Variants in MAF observed in about 807,000 individuals in gnomAD.
MAF encodes MAF bZIP transcription factor.
MAF carries 10 observed loss-of-function variants against 22.0 expected under a neutral mutation model. The ratio of observed to expected loss-of-function variants is 0.45; its 90% CI spans 0.28 to 0.77. The LOEUF is 0.77. MAF is among the 30% of genes least tolerant of loss of function. The probability of loss-of-function intolerance (pLI) is 0.12; values close to 1 mark genes in which losing one functional copy is unlikely to be tolerated. For missense variants in MAF, 544 were observed against 548.4 expected, an observed-to-expected ratio of 0.99 and a Z score of 0.08; for synonymous variants, 337 against 255.8, an observed-to-expected ratio of 1.32 and a Z score of -3.03.
At chr16:79,560,859 G>T in the MAF span, among the ~76,000 whole-genome samples, 2 of 152,152 alleles carry the variant, frequency 1.3e-5, no homozygotes, top group Admixed American at 6.5e-5. Context: ...GAGGTGTGGC[G>T]GGAAATAGGG....
At chr16:79,485,718 A>G in the MAF span, among the ~76,000 whole-genome samples, 14 of 152,218 alleles carry the variant, frequency 9.2e-5, no homozygotes, top group African/African-American at 3.4e-4. Context: ...CTGAGCAGGA[A>G]GATCTGTCGG....
chr16:79,475,695 A>C, the MAF span, among the ~76,000 whole-genome samples: 2 of 152,102 alleles, frequency 1.3e-5, no homozygotes, highest in Non-Finnish European at 2.9e-5. Flanking sequence ...GTGCATTTCA[A>C]TGTATATAAA....
chr16:79,219,477 G>T, the MAF span, among the ~76,000 whole-genome samples: 1 of 147,804 alleles, frequency 6.8e-6, no homozygotes, highest in African/African-American at 2.5e-5. Context: ...CGTGAACCCG[G>T]GGGGCGGAGC....
chr16:79,437,152 G>T, the MAF span, among the ~76,000 whole-genome samples: 1 of 29,170 alleles, frequency 3.4e-5, no homozygotes, highest in Non-Finnish European at 9.8e-5. Flanking sequence ...CTCTCTGTGT[G>T]TGTGTGTGTG....
At chr16:79,333,146 T>C in the MAF span, among the ~76,000 whole-genome samples, 1 of 152,104 alleles carries the variant, frequency 6.6e-6, no homozygotes, top group South Asian at 2.1e-4. Context: ...ATTTCCCATC[T>C]CAGCGGGTGA....
chr16:79,254,955 A>G, the MAF span, among the ~76,000 whole-genome samples: 2 of 152,338 alleles, frequency 1.3e-5, no homozygotes, highest in South Asian at 4.1e-4. Context: ...CCCCAGGTCA[A>G]CGTATTCATG....
chr16:79,419,950 G>C, the MAF span, among the ~76,000 whole-genome samples: 1 of 151,646 alleles, frequency 6.6e-6, no homozygotes, highest in Admixed American at 6.6e-5. Flanking sequence ...TTTCCATGGA[G>C]AGTCCTGGAG....
chr16:79,416,262 G>C, the MAF span, among the ~76,000 whole-genome samples: 1 of 152,222 alleles, frequency 6.6e-6, no homozygotes, highest in East Asian at 1.9e-4. Context: ...GGAGTTCTTG[G>C]GGATTGAGGG....
At chr16:79,569,366 C>T in the MAF span, among the ~76,000 whole-genome samples, 1 of 152,142 alleles carries the variant, frequency 6.6e-6, no homozygotes, top group Non-Finnish European at 1.5e-5. Flanking sequence ...AGACCCATTG[C>T]TTTAAACAGG....
chr16:79,246,550 G>A, the MAF span, among the ~76,000 whole-genome samples: 2 of 120,348 alleles, frequency 1.7e-5, no homozygotes, highest in South Asian at 5.2e-4. Context: ...TGGGGGGGGT[G>A]TGGGGGTGTA....
chr16:79,321,850 C>T, the MAF span, among the ~76,000 whole-genome samples: 2 of 151,700 alleles, frequency 1.3e-5, no homozygotes, highest in African/African-American at 4.8e-5. Flanking sequence ...CCACCGTGCC[C>T]GGCTGACAGG....
chr16:79,477,563 G>A, the MAF span, among the ~76,000 whole-genome samples: 4 of 152,134 alleles, frequency 2.6e-5, no homozygotes, highest in East Asian at 5.8e-4. Flanking sequence ...GGTCACAGTT[G>A]CCTTATGAAC....
the MAF span, among the ~76,000 whole-genome samples, chr16:79,228,626 A>G: frequency 6.6e-6 from 1 of 152,022 alleles, no homozygotes; most frequent in South Asian, 2.1e-4. Flanking sequence ...CTTTGATCAT[A>G]AATGTTTCCA....
chr16:79,532,450 T>C, the MAF span, among the ~76,000 whole-genome samples: 58 of 152,340 alleles, frequency 3.8e-4, no homozygotes, highest in African/African-American at 1.3e-3. Flanking sequence ...TACATTTCAG[T>C]GCAGTTTATC....
the MAF span, among the ~76,000 whole-genome samples, chr16:79,226,403 A>T: frequency 6.6e-6 from 1 of 152,144 alleles, no homozygotes; most frequent in Admixed American, 6.5e-5. Context: ...GGGGAGGGAT[A>T]GCATTAGGAG....
the MAF span, among the ~76,000 whole-genome samples, chr16:79,391,857 A>AAGAAGGAGGAGG: frequency 5.0e-5 from 7 of 139,952 alleles, no homozygotes; most frequent in African/African-American, 1.1e-4. Flanking sequence ...AAAGAGAGAG[A>AAGAAGGAGGAGG]AGAAGGAGGA....
the MAF span, among the ~76,000 whole-genome samples, chr16:79,434,711 TCATA>T: frequency 2.0e-5 from 3 of 151,980 alleles, no homozygotes; most frequent in African/African-American, 7.2e-5. Flanking sequence ...ACATCATCAT[TCATA>T]CATATTTTAT....
the MAF span, among the ~76,000 whole-genome samples, chr16:79,370,484 G>C: frequency 6.6e-6 from 1 of 152,138 alleles, no homozygotes; most frequent in Non-Finnish European, 1.5e-5. Flanking sequence ...AACCATTCTT[G>C]TGACTCTTGC....
the MAF span, among the ~76,000 whole-genome samples, chr16:79,272,206 A>G: frequency 1.3e-5 from 2 of 152,210 alleles, no homozygotes; most frequent in African/African-American, 4.8e-5. Flanking sequence ...ACGCGCTCAG[A>G]GACAGAGGCG....
Sources: allele counts gnomAD v4.1 joint callset (sites outside exome capture counted in the v4.1 genomes callset), GRCh38; gene constraint gnomAD v4.1.1; transcripts MANE v1.5; gene names NCBI Gene and HGNC (gene_info 2026-07-23, HGNC 2026-07-21).